Variants in AHNAK observed in about 807,000 individuals in gnomAD.
AHNAK encodes AHNAK nucleoprotein.
In AHNAK, 23 loss-of-function variants were observed where a neutral mutation model predicts 37.8. That is an observed-to-expected ratio of 0.61 (90% CI 0.44 to 0.86). The LOEUF is 0.86. Ranked by LOEUF, AHNAK falls within the 40% of genes least tolerant of loss-of-function variation. The probability of loss-of-function intolerance (pLI) is 0.00; values close to 1 mark genes in which losing one functional copy is unlikely to be tolerated. For synonymous variants in AHNAK, 2,481 were observed against 2,636.3 expected, an observed-to-expected ratio of 0.94 and a Z score of 1.80; for missense variants, 7,411 against 7,319.4, an observed-to-expected ratio of 1.01 and a Z score of -0.46.
chr11:62,456,687 A>G (rs1479191742), intron 5 of AHNAK, among the ~76,000 whole-genome samples: 1 of 152,040 alleles, frequency 6.6e-6, no homozygotes, highest in African/African-American at 2.4e-5. Flanking sequence ...CATCAACTTC[A>G]TGTCCCACAG....
intron 5 of AHNAK, among the ~76,000 whole-genome samples, chr11:62,471,868 C>T (rs1028523900): frequency 3.3e-5 from 5 of 152,078 alleles, no homozygotes; most frequent in African/African-American, 1.2e-4. Flanking sequence ...CTGAGAAAAG[C>T]AAGAAGAGCA....
intron 5 of AHNAK, among the ~76,000 whole-genome samples, chr11:62,442,012 A>C (rs1405777077): frequency 6.6e-6 from 1 of 152,076 alleles, no homozygotes; most frequent in East Asian, 1.9e-4. Flanking sequence ...GACAACATCA[A>C]GCTCCCCTGC....
intron 1 of AHNAK, among the ~76,000 whole-genome samples, chr11:62,537,698 T>C (rs369624155): frequency 1.7e-4 from 26 of 152,040 alleles, no homozygotes; most frequent in African/African-American, 5.8e-4. Flanking sequence ...TTTTTTTTTT[T>C]TTGAGACGGA....
At chr11:62,436,648 A>C (rs1364824398) in intron 5 of AHNAK, among the ~76,000 whole-genome samples, 1 of 151,626 alleles carries the variant, frequency 6.6e-6, no homozygotes, top group Non-Finnish European at 1.5e-5. Flanking sequence ...AAAAAAAAAA[A>C]AGTATAGGCC....
At chr11:62,458,139 C>G (rs536718280) in intron 5 of AHNAK, among the ~76,000 whole-genome samples, 31 of 152,060 alleles carry the variant, frequency 2.0e-4, no homozygotes, top group South Asian at 4.2e-4. Flanking sequence ...AGGCTGGTCT[C>G]AAACTCCTGA....
intron 5 of AHNAK, among the ~76,000 whole-genome samples, chr11:62,490,420 C>T (rs571862561): frequency 2.6e-5 from 4 of 151,996 alleles, no homozygotes; most frequent in Non-Finnish European, 5.9e-5. Context: ...AGGCTGGTCT[C>T]GAACTCCTGA....
chr11:62,448,692 T>C (rs79723717), intron 5 of AHNAK, among the ~76,000 whole-genome samples: 7,716 of 152,148 alleles, frequency 0.051, 250 homozygotes, highest in Middle Eastern at 0.14. Context: ...TTGAGAGACA[T>C]CCAAGTGAAG....
At chr11:62,494,652 A>C (rs2134168930) in intron 4 of AHNAK, among the ~76,000 whole-genome samples, 1 of 152,208 alleles carries the variant, frequency 6.6e-6, no homozygotes, top group Non-Finnish European at 1.5e-5. Flanking sequence ...AAATGGCTTG[A>C]GCCCAGGAGT....
intron 5 of AHNAK, among the ~76,000 whole-genome samples, chr11:62,478,515 G>A (rs1590615458): frequency 6.6e-6 from 1 of 152,132 alleles, no homozygotes; most frequent in East Asian, 1.9e-4. Flanking sequence ...GGGGCTTGGA[G>A]ATGGAGATTG....
At chr11:62,461,564 G>A (rs569608872) in intron 5 of AHNAK, among the ~76,000 whole-genome samples, 1 of 152,284 alleles carries the variant, frequency 6.6e-6, no homozygotes, top group East Asian at 1.9e-4. Flanking sequence ...GATTTTAGAA[G>A]TAATTCCTAA....
Position 62,518,668 on chromosome 11 carries a change from C to T in AHNAK, c.15749G>A (p.Gly5250Asp), listed in dbSNP as rs758698123. ...KIGIPGVKME[G>D]GGAEVHAQLP... The stretch of plus-strand genomic sequence containing the variant: ...CTGGGCATGGACCTCGGCTCCCCCA[C>T]CCTCCATTTTCACACCTGGGATGCC... Residue 5250 changes from glycine to aspartate, a missense_variant, in exon 5 of 5, where the codon GGT becomes GAT. Gly to Asp is a moderately conservative substitution (Grantham distance 94). Transcript: ENST00000378024. 5.0e-5 allele frequency: 80 copies of T among 1,614,048 alleles called. 1 individual carries two copies. In the South Asian group the frequency reaches 8.7e-4, roughly 18 times the overall value.
Position 62,528,191 on chromosome 11 carries a change from C to T in AHNAK, c.6226G>A (p.Asp2076Asn), listed in dbSNP as rs141986428. Residue 2076 changes from aspartate (D) to asparagine (N), a missense_variant, in exon 5 of 5, where the codon GAT becomes AAT. By Grantham distance (23) the Asp-to-Asn change is conservative. Transcript: ENST00000378024. The part of the protein sequence containing the change: ...PEVDVNLPKA[D>N]VVVSGPKVDV... ...ACCTTGGGTCCTGAGACAACAACAT[C>T]AGCCTTGGGCAAGTTCACATCCACT... The T allele has an allele frequency of 6.3e-5, 102 of 1,613,996 alleles. No homozygotes were observed. The highest frequency in any genetic ancestry group is 8.2e-5 in the Non-Finnish European group (97 of 1,180,048).
intron 5 of AHNAK, among the ~76,000 whole-genome samples, chr11:62,451,891 TC>T (rs1312648818): frequency 6.8e-6 from 1 of 146,188 alleles, no homozygotes; most frequent in African/African-American, 2.5e-5. Context: ...CACTGCAAGC[TC>T]CGCCTCCCAG....
chr11:62,490,733 A>G (rs1049797997), intron 5 of AHNAK, among the ~76,000 whole-genome samples: 1 of 152,152 alleles, frequency 6.6e-6, no homozygotes, highest in African/African-American at 2.4e-5. Flanking sequence ...ATGTGGGCTC[A>G]GTGAACATGA....
At chr11:62,474,752 A>G (rs1335827013) in intron 5 of AHNAK, among the ~76,000 whole-genome samples, 2 of 152,186 alleles carry the variant, frequency 1.3e-5, no homozygotes, top group Non-Finnish European at 2.9e-5. Context: ...ACATACACTG[A>G]GCACCCCGTG....
At position 62,520,724 on chromosome 11, in the gene AHNAK, G is replaced by C. The variant is rs377332726; in HGVS notation, c.13693C>G (p.Pro4565Ala). Reference sequence around the variant, plus strand: ...TCTGGACCATGAATGTCAATATCAGGAGTGTCAATGCCCACTTTAGGGCCT... The same window carrying C: ...TCTGGACCATGAATGTCAATATCAGCAGTGTCAATGCCCACTTTAGGGCCT... ...VKGPKVGIDT[P>A]DIDIHGPEGK... The change falls in exon 5 of 5, where the codon CCT (proline) becomes GCT (alanine). Residue 4565 changes from proline (P) to alanine (A), a missense_variant. Pro to Ala is a conservative substitution (Grantham distance 27). Transcript: ENST00000378024. 6.2e-7 allele frequency: 1 copy of C among 1,614,000 alleles called. No individual in the cohort carries two copies. The highest frequency in any genetic ancestry group is 8.5e-7 in the Non-Finnish European group (1 of 1,180,038).
chr11:62,473,558 G>A (rs549653679), intron 5 of AHNAK, among the ~76,000 whole-genome samples: 3 of 152,092 alleles, frequency 2.0e-5, no homozygotes, highest in East Asian at 3.9e-4. Context: ...GGTGGCAGGC[G>A]CCTGTAGTCC....
intron 5 of AHNAK, among the ~76,000 whole-genome samples, chr11:62,460,611 G>C (rs1258859402): frequency 2.0e-5 from 3 of 152,164 alleles, no homozygotes; most frequent in African/African-American, 4.8e-5. Flanking sequence ...AATGATTAAA[G>C]AGGGAAAAAT....
At position 62,529,520 on chromosome 11, in the gene AHNAK, C is replaced by G; in HGVS notation, c.4897G>C (p.Glu1633Gln). 6.2e-7 allele frequency: 1 copy of G among 1,614,176 alleles called. No individual in the cohort carries two copies. Among genetic ancestry groups the G allele is most frequent in the Non-Finnish European group, 8.5e-7 (1 of 1,180,036 alleles). ...NVGDIDIEGP[E>Q]GKLKGPKFKM... ...AACTTGGGGCCCTTCAACTTCCCTT[C>G]TGGACCTTCAATATCAATATCACCA... Residue 1633 changes from glutamate (E) to glutamine (Q), a missense_variant, in exon 5 of 5, where the codon GAA (glutamate) becomes CAA (glutamine). Coordinates refer to ENST00000378024, the MANE Select transcript of AHNAK (RefSeq NM_001620.3).
Sources: allele counts gnomAD v4.1 joint callset (sites outside exome capture counted in the v4.1 genomes callset), GRCh38; gene constraint gnomAD v4.1.1; transcripts MANE v1.5; gene names NCBI Gene and HGNC (gene_info 2026-07-23, HGNC 2026-07-21).